Variants in FAM98B observed in about 807,000 individuals in gnomAD.
The protein encoded by FAM98B is tRNA splicing ligase complex subunit 3B.
Under a neutral mutation model 43.9 loss-of-function variants are expected in FAM98B, and 32 were observed. That is an observed-to-expected ratio of 0.73 (90% CI 0.55 to 0.98). FAM98B has a LOEUF of 0.98. Ranked by LOEUF, FAM98B falls within the 50% of genes least tolerant of loss-of-function variation. The pLI is 0.00. For missense variants in FAM98B, 514 were observed against 522.9 expected (o/e 0.98, Z 0.17); for synonymous variants, 190 against 174.0 (o/e 1.09, Z -0.72).
chr15:38,481,563 GAA>G (rs1163016963), intron 7 of FAM98B, 104 bp downstream of exon 7: 51 of 1,612,074 alleles, frequency 3.2e-5, no homozygotes, highest in Non-Finnish European at 4.2e-5. Context: ...TAAATGTTTA[GAA>G]AAAAGAGTGG....
At position 38,465,272 on chromosome 15, in the gene FAM98B, G is replaced by T; in HGVS notation, c.221G>T (p.Arg74Ile). 1.9e-6 allele frequency: 3 copies of T among 1,603,498 alleles called. No homozygotes were observed. The highest frequency in any genetic ancestry group is 1.1e-5 in the South Asian group (1 of 88,606). ...NLEESITSAG[R>I]DDLESFQLEI... The stretch of plus-strand genomic sequence containing the variant: ...TTATGATTTTTCTTTTTTAAAGGAA[G>T]AGATGATCTAGAGAGCTTCCAGCTT... The change falls in exon 3 of 8, where the codon AGA becomes ATA. Residue 74 changes from arginine (R) to isoleucine (I), a missense_variant. By Grantham distance (97) the Arg-to-Ile change is moderately conservative (BLOSUM62 -3). This residue lies in a region of FAM98B where 469 missense variants were observed against 451.8 expected (regional missense o/e 1.04). Coordinates refer to ENST00000397609, the MANE Select transcript of FAM98B (RefSeq NM_173611.4).
Position 38,462,626 on chromosome 15 carries a change from A to T in FAM98B, c.72-1406A>T, listed in dbSNP as rs567210463. The stretch of plus-strand genomic sequence containing the variant: ...CCATAAGTAATTTATACCTATTTTA[A>T]TATATATTAGGAATTTGTAAATGTT... On this transcript the variant is annotated intron_variant, in intron 1 of 7. Transcript: ENST00000397609. Among the ~76,000 whole-genome samples the T allele has an allele frequency of 9.9e-5, 15 of 152,272 alleles. No individual in the cohort carries two copies. In the East Asian group the frequency reaches 2.9e-3, roughly 29 times the overall value.
Position 38,485,664 on chromosome 15 carries a change from CA to C in FAM98B, c.*1006del, listed in dbSNP as rs1165658569. On this transcript the variant is annotated 3_prime_UTR_variant, in exon 8 of 8. Coordinates refer to ENST00000397609, the MANE Select transcript of FAM98B (RefSeq NM_173611.4). ...GTGAATTTGAATCATGGCACTAGGT[CA>C]GGGGTGCTATGGATTGAAATGACCT... 2.0e-5 allele frequency: 3 copies of C among 152,124 alleles called. No individual in the cohort carries two copies. The highest frequency in any genetic ancestry group is 2.9e-5 in the Non-Finnish European group (2 of 68,012). The allele number at this position is 152,124 out of a possible 1,614,324, so 9.4% of individuals were successfully genotyped here.
chr15:38,471,145 C>A (rs938280018), intron 4 of FAM98B, among the ~76,000 whole-genome samples: 1 of 151,996 alleles, frequency 6.6e-6, no homozygotes, highest in African/African-American at 2.4e-5. Flanking sequence ...AGAATAAGTA[C>A]ATAACTCCAT....
rs1044317696 is a variant in FAM98B at position 38,486,895 on chromosome 15, C to T, written c.*2236C>T. On this transcript the variant is annotated 3_prime_UTR_variant, in exon 8 of 8. Coordinates refer to ENST00000397609, the MANE Select transcript of FAM98B (RefSeq NM_173611.4). ...AATGTTTTATAAATTGAGTGCAATA[C>T]GACATGGAGTATGATGAATGGCACT... 2.0e-5 allele frequency: 3 copies of T among 152,086 alleles called. No homozygotes were observed. Among genetic ancestry groups the T allele is most frequent in the East Asian group, 1.9e-4 (1 of 5,190 alleles). The allele number at this position is 152,086 out of a possible 1,614,324, so 9.4% of individuals were successfully genotyped here.
At chr15:38,459,113 T>C (rs1317406009) in intron 1 of FAM98B, 1 of 342,028 alleles carries the variant, frequency 2.9e-6, no homozygotes, top group Non-Finnish European at 5.8e-6. Context: ...TTCGTCTCTT[T>C]CCACGTGAGC....
At chr15:38,462,201 G>A (rs1889960003) in intron 1 of FAM98B, among the ~76,000 whole-genome samples, 1 of 152,042 alleles carries the variant, frequency 6.6e-6, no homozygotes, top group Non-Finnish European at 1.5e-5. Flanking sequence ...CCTTTTATCT[G>A]GAAAAGGAGA....
chr15:38,484,867 G>A lies in FAM98B; in HGVS notation c.*208G>A, dbSNP rs550090903. On this transcript the variant is annotated 3_prime_UTR_variant, in exon 8 of 8. Transcript: ENST00000397609. ...GAAGTGATGACTTTTTCCATATTCT[G>A]TGTACCCTTGAGCATGTTGTGTCTT... 80 of 685,046 alleles carry A rather than the reference G, an allele frequency of 1.2e-4. No individual in the cohort carries two copies. The highest frequency in any genetic ancestry group is 1.5e-4 in the Non-Finnish European group (69 of 471,936). 42.4% of individuals were successfully genotyped at this position (685,046 alleles called of 1,614,324 possible).
chr15:38,482,489 TAG>T (rs1890300106), intron 7 of FAM98B: 1 of 152,224 alleles, frequency 6.6e-6, no homozygotes, highest in Non-Finnish European at 1.5e-5. Flanking sequence ...CCATGTTTGG[TAG>T]AGAGACCAGT....
chr15:38,454,632 A>G (rs981900562), intron 1 of FAM98B, among the ~76,000 whole-genome samples: 1 of 152,224 alleles, frequency 6.6e-6, no homozygotes, highest in African/African-American at 2.4e-5. Flanking sequence ...GTTGTCTCCT[A>G]CAATGTACAA....
rs148867951 is a variant in FAM98B at position 38,456,113 on chromosome 15, A to C, written c.71+1881A>C. Among the ~76,000 whole-genome samples the C allele has an allele frequency of 3.2e-3, 482 of 152,310 alleles. 2 individuals carry two copies. Among genetic ancestry groups the C allele is most frequent in the African/African-American group, 0.011 (462 of 41,574 alleles). The stretch of plus-strand genomic sequence containing the variant: ...TTGTCATGTAAAATAAATTAATGGG[A>C]GGCATTTGAAGGGAAAAATCTATGT... On this transcript the variant is annotated intron_variant, in intron 1 of 7. Coordinates refer to ENST00000397609, the MANE Select transcript of FAM98B (RefSeq NM_173611.4).
intron 6 of FAM98B, among the ~76,000 whole-genome samples, chr15:38,480,584 T>G (rs1043853810): frequency 6.6e-6 from 1 of 151,964 alleles, no homozygotes; most frequent in Admixed American, 6.6e-5. Context: ...GCCTCATTTT[T>G]TTTTTCCATC....
intron 1 of FAM98B, among the ~76,000 whole-genome samples, chr15:38,463,262 C>T (rs1016535248): frequency 3.3e-5 from 5 of 151,972 alleles, no homozygotes; most frequent in Admixed American, 6.6e-5. Flanking sequence ...TTTGGGAGGC[C>T]GAGGTGGGTG....
intron 6 of FAM98B, among the ~76,000 whole-genome samples, chr15:38,476,226 G>C (rs1342263086): frequency 6.6e-6 from 1 of 151,820 alleles, no homozygotes; most frequent in African/African-American, 2.4e-5. Context: ...CAAGTATTTA[G>C]TGCTGCCATT....
intron 1 of FAM98B, among the ~76,000 whole-genome samples, chr15:38,463,588 C>A (rs1291548484): frequency 6.6e-6 from 1 of 151,830 alleles, no homozygotes; most frequent in Non-Finnish European, 1.5e-5. Context: ...CTAATAGATT[C>A]TTTTCAACTT....
In FAM98B at chr15:38,481,446, G is replaced by A. The variant is rs756982209; in HGVS notation, c.884G>A (p.Cys295Tyr). 4 of 1,614,062 alleles carry A rather than the reference G, an allele frequency of 2.5e-6. No individual in the cohort carries two copies. In the Admixed American group the frequency reaches 5.0e-5, roughly 20 times the overall value. Residue 295 changes from cysteine (C) to tyrosine (Y), a missense_variant, in exon 7 of 8, where the codon TGT becomes TAT. Coordinates refer to ENST00000397609, the MANE Select transcript of FAM98B (RefSeq NM_173611.4). ...SSGTSREKTA[C>Y]AINKVLMGRV... ...GGCACCAGCCGGGAGAAGACCGCAT[G>A]TGCCATTAATAAGGTTGGTGTTTCT...
Position 38,464,077 on chromosome 15 carries a change from A to T in FAM98B, c.117A>T (p.Ala39=). The T allele has an allele frequency of 6.2e-7, 1 of 1,613,524 alleles. No homozygotes were observed. The highest frequency in any genetic ancestry group is 8.5e-7 in the Non-Finnish European group (1 of 1,179,732). The change falls in exon 2 of 8, where the codon GCA becomes GCT. Residue 39 remains alanine, a synonymous_variant. Coordinates refer to ENST00000397609, the MANE Select transcript of FAM98B (RefSeq NM_173611.4). ...LLEEQALTKA[A]EGGLSSPEFS... ...AAGAGCAAGCCCTTACAAAGGCGGC[A>T]GAGGGTGGATTATCTTCACCTGAAT...
chr15:38,474,976 G>A lies in FAM98B; in HGVS notation c.729+678G>A, dbSNP rs1359918928. Reference sequence around the variant, plus strand: ...TGACCATCATTGGTTCACATCACATGGGTTATCCAGTTTTTTAGTTGTTTC... The same window carrying A: ...TGACCATCATTGGTTCACATCACATAGGTTATCCAGTTTTTTAGTTGTTTC... On this transcript the variant is annotated intron_variant, in intron 6 of 7. Transcript: ENST00000397609. Among the ~76,000 whole-genome samples, 3 of 152,142 alleles carry A rather than the reference G, an allele frequency of 2.0e-5. No individual in the cohort carries two copies. The East Asian group carries it at 5.8e-4, about 29-fold the overall frequency.
intron 3 of FAM98B, among the ~76,000 whole-genome samples, chr15:38,467,529 A>G (rs1308858828): frequency 1.3e-5 from 2 of 152,212 alleles, no homozygotes; most frequent in African/African-American, 4.8e-5. Flanking sequence ...GCCTTTTCGT[A>G]TACTACAGAC....
Sources: gnomAD v4.1 joint callset for allele counts (sites outside exome capture counted in the v4.1 genomes callset) on GRCh38, gnomAD v4.1.1 for gene constraint, gnomAD v4.1.1 regional missense constraint, MANE v1.5 for transcripts, NCBI Gene and HGNC (gene_info 2026-07-23, HGNC 2026-07-21) for gene names.